SLC6A5: variants seen among roughly 807,000 people sequenced by gnomAD.
The protein encoded by SLC6A5 is sodium- and chloride-dependent glycine transporter 2.
In SLC6A5, 58 loss-of-function variants were observed where a neutral mutation model predicts 90.5. The observed-to-expected ratio is 0.64, with a 90% confidence interval of 0.52 to 0.80. The LOEUF (loss-of-function observed/expected upper bound fraction) is 0.80, where lower values mean the gene tolerates loss of function less well. Ranked by LOEUF, SLC6A5 falls within the 30% of genes least tolerant of loss-of-function variation. The pLI is 0.00. For synonymous variants in SLC6A5, 427 were observed against 401.4 expected, an observed-to-expected ratio of 1.06 and a Z score of -0.76; for missense variants, 1,015 against 1,017.6, an observed-to-expected ratio of 1.00 and a Z score of 0.03.
chr11:20,634,990 G>A (rs1853177093), intron 10 of SLC6A5, among the ~76,000 whole-genome samples: 1 of 152,110 alleles, frequency 6.6e-6, no homozygotes, highest in Non-Finnish European at 1.5e-5. Flanking sequence ...TCTTCCCAGT[G>A]AGACCGTGAG....
chr11:20,637,164 G>A lies in SLC6A5; in HGVS notation c.1738-8G>A, dbSNP rs1853223940. 2 of 1,613,414 alleles carry A rather than the reference G, an allele frequency of 1.2e-6. No homozygotes were observed. Among genetic ancestry groups the A allele is most frequent in the Non-Finnish European group, 1.7e-6 (2 of 1,179,782 alleles). ...GACTCAGATGTTCATTTCCTGACAC[G>A]GTTCCAGTTTGCCACCATCGAGACC... On this transcript the variant is annotated splice_polypyrimidine_tract_variant and splice_region_variant and intron_variant, in intron 11 of 15. Transcript: ENST00000525748.
At chr11:20,624,863 T>C (rs1852961828) in intron 7 of SLC6A5, among the ~76,000 whole-genome samples, 1 of 152,210 alleles carries the variant, frequency 6.6e-6, no homozygotes, top group Admixed American at 6.5e-5. Context: ...TGTGAAATGG[T>C]ACTTCTGTTT....
chr11:20,642,499 G>A (rs771014093), intron 13 of SLC6A5, among the ~76,000 whole-genome samples: 43 of 152,160 alleles, frequency 2.8e-4, no homozygotes, highest in Non-Finnish European at 4.4e-4. Context: ...TAATTCAGAC[G>A]CATTTTTGAG....
chr11:20,652,272 C>T lies in SLC6A5; in HGVS notation c.2071-17C>T, dbSNP rs1853555094. 2 of 1,613,750 alleles carry T rather than the reference C, an allele frequency of 1.2e-6. No homozygotes were observed. Among genetic ancestry groups the T allele is most frequent in the Non-Finnish European group, 1.7e-6 (2 of 1,179,630 alleles). On this transcript the variant is annotated splice_polypyrimidine_tract_variant and intron_variant, in intron 14 of 15. Transcript: ENST00000525748. ...CACGCCACCACCCTAACACGTGTGT[C>T]ACTTTTCTCTTTCCAGTTTATCCTT...
chr11:20,616,173 C>A (rs1049032959), intron 6 of SLC6A5, among the ~76,000 whole-genome samples: 1 of 152,186 alleles, frequency 6.6e-6, no homozygotes, highest in Non-Finnish European at 1.5e-5. Flanking sequence ...TTCCTGTAGA[C>A]TCAGGGTGTA....
chr11:20,604,291 C>G lies in SLC6A5; in HGVS notation c.546C>G (p.Asp182Glu), dbSNP rs138199033. ...GSVATVATQE[D>E]EQGDENKARG... The stretch of plus-strand genomic sequence containing the variant: ...ATGTGCTTTTCCGCCCCCAGGAGGA[C>G]GAGCAAGGGGATGAGAATAAGGCCC... Residue 182 changes from aspartate (D) to glutamate (E), a missense_variant, in exon 3 of 16, where the codon GAC becomes GAG. Physicochemically the swap from Asp to Glu is conservative, Grantham distance 45. Coordinates refer to ENST00000525748, the MANE Select transcript of SLC6A5 (RefSeq NM_004211.5). 1.4e-5 allele frequency: 23 copies of G among 1,608,966 alleles called. No homozygotes were observed. The highest frequency in any genetic ancestry group is 2.0e-5 in the Non-Finnish European group (23 of 1,176,360).
intron 9 of SLC6A5, among the ~76,000 whole-genome samples, chr11:20,629,474 AT>A (rs775637230): frequency 6.6e-6 from 1 of 152,010 alleles, no homozygotes; most frequent in Non-Finnish European, 1.5e-5. Flanking sequence ...ACTGAGTAAT[AT>A]TTTTTCTTTA....
At chr11:20,637,686 A>G (rs1426236529) in intron 12 of SLC6A5, among the ~76,000 whole-genome samples, 1 of 152,226 alleles carries the variant, frequency 6.6e-6, no homozygotes, top group African/African-American at 2.4e-5. Context: ...AATAGCCACT[A>G]TACTCCTGCC....
Position 20,648,207 on chromosome 11 carries a change from T to C in SLC6A5, c.2070+1273T>C, listed in dbSNP as rs1519741. On this transcript the variant is annotated intron_variant, in intron 14 of 15. Transcript: ENST00000525748. ...AACCAGATTAAGGCCTTTGTTTTGCTATTACACATGGTCCCAGTTTCCCTA... is the reference window on the plus strand; with the variant it reads ...AACCAGATTAAGGCCTTTGTTTTGCCATTACACATGGTCCCAGTTTCCCTA... Among the ~76,000 whole-genome samples the C allele has an allele frequency of 2.4e-3, 369 of 152,316 alleles. 1 individual carries two copies. The highest frequency in any genetic ancestry group is 8.4e-3 in the African/African-American group (350 of 41,572).
At chr11:20,625,256 A>C (rs2133796553) in intron 7 of SLC6A5, among the ~76,000 whole-genome samples, 1 of 151,972 alleles carries the variant, frequency 6.6e-6, no homozygotes, top group South Asian at 2.1e-4. Flanking sequence ...TACCTCCCAA[A>C]TGTTTCTTTC....
At position 20,655,875 on chromosome 11, in the gene SLC6A5, C is replaced by T. The variant is rs1853631500; in HGVS notation, c.*1007C>T. On this transcript the variant is annotated 3_prime_UTR_variant, in exon 16 of 16. Transcript: ENST00000525748. Reference sequence around the variant, plus strand: ...CTTAATTTTTACTCTTTTTCATTCACAGTAAATGCCAACTGTGGTCATAGA... The same window carrying T: ...CTTAATTTTTACTCTTTTTCATTCATAGTAAATGCCAACTGTGGTCATAGA... The T allele has an allele frequency of 6.6e-6, 1 of 152,140 alleles. No homozygotes were observed. The highest frequency in any genetic ancestry group is 2.1e-4 in the South Asian group (1 of 4,828). 9.4% of individuals were successfully genotyped at this position (152,140 alleles called of 1,614,324 possible).
intron 6 of SLC6A5, among the ~76,000 whole-genome samples, chr11:20,617,183 T>G (rs926331838): frequency 3.3e-5 from 5 of 152,216 alleles, no homozygotes; most frequent in Non-Finnish European, 5.9e-5. Context: ...TTAGAATGTT[T>G]TGCTTGAGCA....
intron 5 of SLC6A5, among the ~76,000 whole-genome samples, chr11:20,614,039 C>T (rs541001237): frequency 4.6e-5 from 7 of 152,218 alleles, no homozygotes; most frequent in South Asian, 2.1e-4. Flanking sequence ...ACAGGATCCC[C>T]GGTAGACGGC....
chr11:20,642,207 TGTGTGCTCAGAGAGGAA>T (rs1853327745), intron 13 of SLC6A5, among the ~76,000 whole-genome samples: 6 of 142,832 alleles, frequency 4.2e-5, no homozygotes, highest in Admixed American at 4.2e-4. Flanking sequence ...CACAGAGATC[TGTGTGCTCAGAGAGGAA>T]CCACACCTGG....
At chr11:20,628,886 C>T (rs1281060969) in intron 9 of SLC6A5, among the ~76,000 whole-genome samples, 3 of 152,164 alleles carry the variant, frequency 2.0e-5, no homozygotes, top group Admixed American at 1.3e-4. Context: ...GCCTCAGTTT[C>T]CTCTTCAGTA....
intron 13 of SLC6A5, among the ~76,000 whole-genome samples, chr11:20,639,502 C>G (rs909219623): frequency 2.6e-5 from 4 of 151,996 alleles, no homozygotes; most frequent in African/African-American, 7.3e-5. Flanking sequence ...ACAAATGTAC[C>G]CTCTGAAGCC....
intron 11 of SLC6A5, among the ~76,000 whole-genome samples, chr11:20,636,713 C>A (rs1298889602): frequency 6.6e-6 from 1 of 152,132 alleles, no homozygotes; most frequent in South Asian, 2.1e-4. Flanking sequence ...AAAGCAAATT[C>A]TTTAGGGCTG....
chr11:20,627,013 C>T (rs1438130779), intron 8 of SLC6A5, among the ~76,000 whole-genome samples, 171 bp downstream of exon 8: 1 of 152,142 alleles, frequency 6.6e-6, no homozygotes, highest in East Asian at 1.9e-4. Context: ...AAGTGGACAA[C>T]TGAGGGTTTT....
intron 9 of SLC6A5, among the ~76,000 whole-genome samples, chr11:20,628,411 T>C (rs915089935): frequency 6.6e-6 from 1 of 152,206 alleles, no homozygotes; most frequent in Admixed American, 6.5e-5. Context: ...TACAATGGAC[T>C]GTGCCTTCAG....
Sources: gnomAD v4.1 joint callset for allele counts (sites outside exome capture counted in the v4.1 genomes callset) on GRCh38, gnomAD v4.1.1 for gene constraint, MANE v1.5 for transcripts, NCBI Gene and HGNC (gene_info 2026-07-23, HGNC 2026-07-21) for gene names.